Variants in SYT1 observed in about 807,000 individuals in gnomAD.
SYT1 encodes the protein synaptotagmin-1.
In SYT1, 8 loss-of-function variants were observed where a neutral mutation model predicts 44.8. The observed-to-expected ratio is 0.18, with a 90% CI of 0.10 to 0.32. The LOEUF (loss-of-function observed/expected upper bound fraction) is 0.32. Among genes scored for constraint, SYT1 ranks in the 10% least tolerant of loss-of-function variants. The pLI is 1.00. For synonymous variants in SYT1, 154 were observed against 188.8 expected, an observed-to-expected ratio of 0.82 and a Z score of 1.51; for missense variants, 286 against 509.3, an observed-to-expected ratio of 0.56 and a Z score of 4.22.
chr12:79,446,805 C>T (rs977253797), intron 10 of SYT1, among the ~76,000 whole-genome samples: 5 of 152,124 alleles, frequency 3.3e-5, no homozygotes, highest in African/African-American at 1.2e-4. Context: ...CTCAAGACAT[C>T]AATTTTTTCC....
chr12:79,194,592 T>C (rs1873331951), intron 3 of SYT1, among the ~76,000 whole-genome samples: 1 of 152,114 alleles, frequency 6.6e-6, no homozygotes, highest in East Asian at 1.9e-4. Flanking sequence ...TTTTTATTTT[T>C]AATGAGTAAC....
intron 1 of SYT1, among the ~76,000 whole-genome samples, chr12:78,899,833 A>T (rs1875564845): frequency 6.6e-6 from 1 of 152,084 alleles, no homozygotes; most frequent in Admixed American, 6.6e-5. Context: ...ATAATTTTAT[A>T]GCTAGATTAT....
At chr12:78,998,837 G>T (rs1005814224) in intron 2 of SYT1, among the ~76,000 whole-genome samples, 1 of 152,092 alleles carries the variant, frequency 6.6e-6, no homozygotes, top group African/African-American at 2.4e-5. Flanking sequence ...TTCACACAAT[G>T]AGTACTCAGA....
chr12:79,291,434 A>G (rs1879575632), intron 5 of SYT1, among the ~76,000 whole-genome samples: 1 of 152,148 alleles, frequency 6.6e-6, no homozygotes, highest in Non-Finnish European at 1.5e-5. Context: ...CTAAACACGG[A>G]TTTGCTGGTG....
intron 8 of SYT1, among the ~76,000 whole-genome samples, chr12:79,310,901 G>T (rs1316500181): frequency 8.5e-5 from 13 of 152,108 alleles, no homozygotes; most frequent in Non-Finnish European, 1.8e-4. Context: ...CTTATCAGCT[G>T]AAGGAGATTT....
In SYT1 at chr12:79,098,653, G is replaced by A. The variant is rs142770920; in HGVS notation, c.-18+51291G>A. 2.4e-3 allele frequency among the ~76,000 whole-genome samples: 361 copies of A among 152,194 alleles called. 1 individual carries two copies. Among genetic ancestry groups the A allele is most frequent in the Middle Eastern group, 6.8e-3 (2 of 294 alleles). On this transcript the variant is annotated intron_variant, in intron 3 of 10. Transcript: ENST00000261205. ...GTTCTGGTTAGTGGTGACTTAGTACGATGTTTCCATCCTTGGGCTCTTGGC... is the reference window on the plus strand; with the variant it reads ...GTTCTGGTTAGTGGTGACTTAGTACAATGTTTCCATCCTTGGGCTCTTGGC...
At chr12:79,195,745 A>G (rs1380780588) in intron 3 of SYT1, among the ~76,000 whole-genome samples, 1 of 152,200 alleles carries the variant, frequency 6.6e-6, no homozygotes, top group Non-Finnish European at 1.5e-5. Flanking sequence ...ACTTCATCAC[A>G]TGATCTGCCT....
At chr12:79,091,118 A>G (rs1877746772) in intron 3 of SYT1, among the ~76,000 whole-genome samples, 1 of 151,998 alleles carries the variant, frequency 6.6e-6, no homozygotes, top group Non-Finnish European at 1.5e-5. Flanking sequence ...ATCTCAAAAT[A>G]TGCCAAAGAG....
intron 1 of SYT1, among the ~76,000 whole-genome samples, chr12:78,926,274 A>T (rs967299756): frequency 2.0e-5 from 3 of 152,078 alleles, no homozygotes; most frequent in Non-Finnish European, 4.4e-5. Context: ...TTTTATTTTA[A>T]TGTATTTCTT....
chr12:79,039,622 T>A (rs559806897), intron 2 of SYT1, among the ~76,000 whole-genome samples: 62 of 151,648 alleles, frequency 4.1e-4, no homozygotes, highest in East Asian at 2.5e-3. Context: ...ATTTTTATTT[T>A]TTTATTTTTT....
At chr12:78,989,806 G>A (rs1350997728) in intron 2 of SYT1, among the ~76,000 whole-genome samples, 1 of 151,958 alleles carries the variant, frequency 6.6e-6, no homozygotes, top group East Asian at 1.9e-4. Context: ...AGGACATGTT[G>A]GGAAGGTAAC....
At chr12:79,029,399 A>G (rs1286969102) in intron 2 of SYT1, among the ~76,000 whole-genome samples, 2 of 151,090 alleles carry the variant, frequency 1.3e-5, no homozygotes, top group South Asian at 2.1e-4. Flanking sequence ...TGTTCTGGAA[A>G]GTTGTAGTGC....
At chr12:79,265,692 G>A (rs1386504093) in intron 4 of SYT1, among the ~76,000 whole-genome samples, 3 of 152,074 alleles carry the variant, frequency 2.0e-5, no homozygotes, top group African/African-American at 7.2e-5. Flanking sequence ...TTAAAATGAA[G>A]ATAATGTTAG....
intron 3 of SYT1, among the ~76,000 whole-genome samples, chr12:79,047,768 A>G (rs1280558497): frequency 1.3e-5 from 2 of 151,940 alleles, no homozygotes; most frequent in Non-Finnish European, 2.9e-5. Flanking sequence ...GTTTATTTAT[A>G]ATCACTAAAT....
chr12:79,074,765 A>G (rs548135590), intron 3 of SYT1, among the ~76,000 whole-genome samples: 1 of 152,154 alleles, frequency 6.6e-6, no homozygotes, highest in East Asian at 1.9e-4. Flanking sequence ...GCATCAGCTG[A>G]TGCTCTTGGG....
In SYT1 at chr12:79,435,453, G is replaced by A. The variant is rs949761230; in HGVS notation, c.929-8620G>A. Among the ~76,000 whole-genome samples the A allele has an allele frequency of 4.6e-5, 7 of 152,244 alleles. 1 individual carries two copies. The highest frequency in any genetic ancestry group is 4.6e-4 in the Admixed American group (7 of 15,290). On this transcript the variant is annotated intron_variant, in intron 9 of 10. Transcript: ENST00000261205. ...CTAAGAGCTGGGACTACAGGAGTGA[G>A]CCACTGCACCCTGCTAAACTTTTTA...
chr12:79,061,883 T>G (rs142711779), intron 3 of SYT1, among the ~76,000 whole-genome samples: 21 of 152,146 alleles, frequency 1.4e-4, no homozygotes, highest in African/African-American at 5.1e-4. Flanking sequence ...AAAACAAATG[T>G]TTTTATGTTT....
chr12:79,170,845 A>G (rs1871475021), intron 3 of SYT1, among the ~76,000 whole-genome samples: 1 of 152,066 alleles, frequency 6.6e-6, no homozygotes, highest in South Asian at 2.1e-4. Flanking sequence ...TTTACACTTA[A>G]GACTTTAATC....
chr12:79,162,165 T>A (rs1870988207), intron 3 of SYT1, among the ~76,000 whole-genome samples: 1 of 152,090 alleles, frequency 6.6e-6, no homozygotes. Flanking sequence ...TAAGGAATGG[T>A]GAGAACTATT....
Sources: gnomAD v4.1 joint callset for allele counts (sites outside exome capture counted in the v4.1 genomes callset) on GRCh38, gnomAD v4.1.1 for gene constraint, MANE v1.5 for transcripts, NCBI Gene and HGNC (gene_info 2026-07-23, HGNC 2026-07-21) for gene names.